STPG4: variants seen among roughly 807,000 people sequenced by gnomAD.
STPG4 encodes the protein sperm-tail PG-rich repeat containing 4, also known as protein STPG4.
STPG4 carries 41 observed loss-of-function variants against 31.5 expected under a neutral mutation model. The observed-to-expected ratio is 1.30, with a 90% CI of 1.01 to 1.69. The LOEUF (loss-of-function observed/expected upper bound fraction) is 1.69. Among genes scored for constraint, STPG4 ranks in the 40% most tolerant of loss-of-function variants. The pLI is 0.00. For missense variants in STPG4, 375 were observed against 293.4 expected (o/e 1.28, Z -2.03); for synonymous variants, 141 against 103.0 (o/e 1.37, Z -2.24).
At chr2:47,124,115 T>C (rs1376286959) in intron 5 of STPG4, among the ~76,000 whole-genome samples, 1 of 152,128 alleles carries the variant, frequency 6.6e-6, no homozygotes, top group Admixed American at 6.6e-5. Context: ...CCTGAGTAGC[T>C]GGGATTACAG....
At chr2:47,115,651 GCT>G (rs1491573425) in intron 5 of STPG4, among the ~76,000 whole-genome samples, 1 of 90,406 alleles carries the variant, frequency 1.1e-5, no homozygotes, top group African/African-American at 3.5e-5. Context: ...CACATTAAAG[GCT>G]TTTTTTTTTT....
intron 6 of STPG4, among the ~76,000 whole-genome samples, chr2:47,088,114 C>G (rs1685497625): frequency 6.6e-6 from 1 of 151,942 alleles, no homozygotes; most frequent in Non-Finnish European, 1.5e-5. Context: ...CGGTCTCACT[C>G]TGTCATCCAG....
intron 5 of STPG4, among the ~76,000 whole-genome samples, chr2:47,124,170 G>C (rs1014990636): frequency 2.0e-5 from 3 of 151,836 alleles, no homozygotes; most frequent in Non-Finnish European, 4.4e-5. Flanking sequence ...TTCAGTAGAG[G>C]TGGGGCTTCA....
At chr2:47,128,407 G>A (rs1686405232) in intron 5 of STPG4, among the ~76,000 whole-genome samples, 1 of 152,148 alleles carries the variant, frequency 6.6e-6, no homozygotes, top group Non-Finnish European at 1.5e-5. Context: ...TGCCCCCTGG[G>A]CCAAGTGCAG....
chr2:47,114,333 C>T (rs1036470991), intron 5 of STPG4, among the ~76,000 whole-genome samples: 1 of 151,810 alleles, frequency 6.6e-6, no homozygotes, highest in Non-Finnish European at 1.5e-5. Flanking sequence ...GGTGAAATCC[C>T]ATCTCTACTG....
At chr2:47,155,149 G>C in intron 1 of STPG4, 22 bp downstream of exon 1, 1 of 1,611,236 alleles carries the variant, frequency 6.2e-7, no homozygotes, top group Non-Finnish European at 8.5e-7. Context: ...GAGCCAGGCC[G>C]GCAAGGGGCA....
At chr2:47,091,036 C>T (rs1158411149) in intron 5 of STPG4, among the ~76,000 whole-genome samples, 1 of 151,938 alleles carries the variant, frequency 6.6e-6, no homozygotes, top group Non-Finnish European at 1.5e-5. Context: ...AAACAAACTT[C>T]CTTTTTTTCC....
At chr2:47,091,527 T>A (rs1299475831) in intron 5 of STPG4, among the ~76,000 whole-genome samples, 1 of 152,192 alleles carries the variant, frequency 6.6e-6, no homozygotes, top group Non-Finnish European at 1.5e-5. Context: ...TAGCTAGGGT[T>A]CCTTGCCTCA....
intron 5 of STPG4, among the ~76,000 whole-genome samples, chr2:47,109,682 A>G (rs978612753): frequency 2.0e-5 from 3 of 152,170 alleles, no homozygotes; most frequent in African/African-American, 7.2e-5. Flanking sequence ...TACTTAAATT[A>G]TCTTAGCTTC....
chr2:47,096,486 T>G (rs1685671516), intron 5 of STPG4, among the ~76,000 whole-genome samples: 2 of 152,210 alleles, frequency 1.3e-5, no homozygotes, highest in African/African-American at 4.8e-5. Flanking sequence ...AAGTGTTAAC[T>G]GGACTGTGCT....
intron 3 of STPG4, 41 bp from the exon 4 acceptor site, chr2:47,130,301 T>G: frequency 6.6e-7 from 1 of 1,523,634 alleles, no homozygotes. Context: ...TTAATAGAGG[T>G]TGTAAACTCA....
chr2:47,101,422 C>G (rs13005111), intron 5 of STPG4, among the ~76,000 whole-genome samples: 1 of 151,626 alleles, frequency 6.6e-6, no homozygotes, highest in Non-Finnish European at 1.5e-5. Flanking sequence ...GTCACCCAAG[C>G]GAGACTCACC....
chr2:47,143,310 C>G (rs553606947), intron 3 of STPG4, among the ~76,000 whole-genome samples: 4 of 152,248 alleles, frequency 2.6e-5, no homozygotes, highest in South Asian at 4.1e-4. Context: ...GTTTGTGTAT[C>G]TCCTTTGCCA....
chr2:47,130,075 C>T, intron 4 of STPG4, 80 bp from the exon 5 acceptor site: 2 of 1,478,602 alleles, frequency 1.4e-6, no homozygotes, highest in Non-Finnish European at 1.9e-6. Flanking sequence ...CCCTACCTTT[C>T]ATTAAATATT....
intron 5 of STPG4, among the ~76,000 whole-genome samples, chr2:47,115,150 A>G (rs138953826): frequency 1.8e-4 from 28 of 152,114 alleles, no homozygotes; most frequent in African/African-American, 6.5e-4. Context: ...TTTGCTACAT[A>G]TATTTTCTTC....
At chr2:47,152,933 G>A (rs1686965652) in intron 2 of STPG4, 24 bp downstream of exon 2, 2 of 1,529,024 alleles carry the variant, frequency 1.3e-6, no homozygotes. Flanking sequence ...AATGTGAATA[G>A]GAAAGACTGA....
intron 5 of STPG4, among the ~76,000 whole-genome samples, chr2:47,124,010 T>A (rs1048225796): frequency 2.0e-5 from 3 of 152,068 alleles, no homozygotes; most frequent in African/African-American, 7.2e-5. Flanking sequence ...TGAGATGGAG[T>A]CTCACTCTGT....
At chr2:47,112,025 G>A (rs539739329) in intron 5 of STPG4, among the ~76,000 whole-genome samples, 5 of 152,168 alleles carry the variant, frequency 3.3e-5, no homozygotes, top group Admixed American at 6.5e-5. Context: ...AGAGGCCTTC[G>A]GGCACATAAG....
intron 5 of STPG4, among the ~76,000 whole-genome samples, chr2:47,105,999 G>T (rs921030554): frequency 3.3e-5 from 5 of 151,888 alleles, no homozygotes; most frequent in Non-Finnish European, 7.3e-5. Flanking sequence ...GGGGAGAACA[G>T]CAGCATAAGC....
Sources: allele counts gnomAD v4.1 joint callset (sites outside exome capture counted in the v4.1 genomes callset), GRCh38; gene constraint gnomAD v4.1.1; transcripts MANE v1.5; gene names NCBI Gene and HGNC (gene_info 2026-07-23, HGNC 2026-07-21).